THSD7A: variants seen among roughly 807,000 people sequenced by gnomAD.
The protein encoded by THSD7A is thrombospondin type-1 domain-containing protein 7A.
Under a neutral mutation model 231.3 loss-of-function variants are expected in THSD7A, and 96 were observed. The ratio of observed to expected loss-of-function variants is 0.41; its 90% confidence interval spans 0.35 to 0.49. The LOEUF (loss-of-function observed/expected upper bound fraction) is 0.49, where lower values mean the gene tolerates loss of function less well. Ranked by LOEUF, THSD7A falls within the 20% of genes least tolerant of loss-of-function variation. The probability of loss-of-function intolerance (pLI) is 0.05; values close to 1 mark genes in which losing one functional copy is unlikely to be tolerated. For missense variants in THSD7A, 2,290 were observed against 2,070.2 expected (o/e 1.11, Z -2.06); for synonymous variants, 940 against 743.3 (o/e 1.26, Z -4.30).
chr7:11,381,889 T>C (rs890810058), intron 24 of THSD7A, among the ~76,000 whole-genome samples: 1 of 151,854 alleles, frequency 6.6e-6, no homozygotes, highest in African/African-American at 2.4e-5. Context: ...CACACTAGAG[T>C]AGTTCTTTGG....
intron 1 of THSD7A, among the ~76,000 whole-genome samples, chr7:11,681,943 G>A (rs559496468): frequency 8.6e-5 from 13 of 151,996 alleles, no homozygotes; most frequent in Non-Finnish European, 1.5e-4. Context: ...GAAGCAACTA[G>A]GGCCTATTTT....
In THSD7A at chr7:11,779,689, A is replaced by C. The variant is rs559116370; in HGVS notation, c.190+52068T>G. Among the ~76,000 whole-genome samples the C allele has an allele frequency of 2.6e-5, 4 of 152,310 alleles. No individual in the cohort carries two copies. The East Asian group carries it at 7.7e-4, about 29-fold the overall frequency. On this transcript the variant is annotated intron_variant, in intron 1 of 27. Transcript: ENST00000423059. ...TTTTGTTTTCATAGGCCTAGTCCTC[A>C]TCCTCCTCTGAATGCATCATTGTAT...
At chr7:11,552,114 AACATGAACACAAAGTAGGGAAAAACAG>A in intron 4 of THSD7A, among the ~76,000 whole-genome samples, 1 of 152,246 alleles carries the variant, frequency 6.6e-6, no homozygotes, top group Admixed American at 6.5e-5. Flanking sequence ...GAAGCTGATA[AACATGAACACAAAGTAGGGAAAAACAG>A]ACATCAGGGC....
At chr7:11,595,511 C>A (rs1446313439) in intron 2 of THSD7A, among the ~76,000 whole-genome samples, 1 of 152,004 alleles carries the variant, frequency 6.6e-6, no homozygotes, top group African/African-American at 2.4e-5. Flanking sequence ...TAAAAGATGG[C>A]CCATTGTGAG....
intron 18 of THSD7A, 103 bp downstream of exon 18, chr7:11,412,552 CA>C: frequency 1.5e-6 from 2 of 1,349,850 alleles, no homozygotes; most frequent in Non-Finnish European, 2.0e-6. Flanking sequence ...GCAGCATATC[CA>C]AAAGGCACAC....
At chr7:11,418,039 G>C (rs1784019517) in intron 16 of THSD7A, among the ~76,000 whole-genome samples, 3 of 152,306 alleles carry the variant, frequency 2.0e-5, no homozygotes, top group Admixed American at 1.3e-4. Context: ...GGATTTCATA[G>C]AGAAGGTAGA....
chr7:11,804,474 G>A (rs887131704), intron 1 of THSD7A, among the ~76,000 whole-genome samples: 21 of 152,046 alleles, frequency 1.4e-4, no homozygotes, highest in African/African-American at 4.1e-4. Context: ...ACAAATAGAC[G>A]TTAAAAAATA....
At position 11,636,409 on chromosome 7, in the gene THSD7A, G is replaced by A. The variant is rs368719742; in HGVS notation, c.743C>T (p.Ala248Val). 15 of 1,613,532 alleles carry A rather than the reference G, an allele frequency of 9.3e-6. No individual in the cohort carries two copies. In the African/African-American group the frequency reaches 1.9e-4, roughly 20 times the overall value. ...FQVCQSSPCE[A>V]EELRYSLHVG... is the part of the protein sequence containing the mutation. ...ATGCAGGCTGTACCTGAGCTCCTCGGCCTCGCATGGACTGGATTGGCACAC... is the reference window on the plus strand; with the variant it reads ...ATGCAGGCTGTACCTGAGCTCCTCGACCTCGCATGGACTGGATTGGCACAC... The change falls in exon 2 of 28, where the codon GCC (alanine) becomes GTC (valine). Residue 248 changes from alanine (A) to valine (V), a missense_variant. Transcript: ENST00000423059. This position sits in a 1 kb window ranked among gnomAD's most constrained non-coding sequence, Gnocchi z 10.0.
At chr7:11,391,646 G>T (rs761557926) in intron 23 of THSD7A, among the ~76,000 whole-genome samples, 6 of 152,118 alleles carry the variant, frequency 3.9e-5, no homozygotes, top group African/African-American at 9.7e-5. Context: ...TGGCATTCCA[G>T]GTGCCATTGG....
chr7:11,630,412 A>T (rs1562782519), intron 2 of THSD7A, among the ~76,000 whole-genome samples: 1 of 152,200 alleles, frequency 6.6e-6, no homozygotes, highest in Non-Finnish European at 1.5e-5. Flanking sequence ...TGAAAAATGA[A>T]TTTGGTAACA....
chr7:11,448,212 TATG>T (rs147619003), intron 11 of THSD7A, among the ~76,000 whole-genome samples: 1,798 of 152,250 alleles, frequency 0.012, 11 homozygotes, highest in Non-Finnish European at 0.019. Context: ...TTATTTCGCC[TATG>T]ATATTGTTCT....
chr7:11,476,029 C>T (rs960308923), intron 7 of THSD7A, among the ~76,000 whole-genome samples: 3 of 141,606 alleles, frequency 2.1e-5, no homozygotes, highest in East Asian at 4.2e-4. Context: ...TAAAAAATAA[C>T]CTTTTCCTTT....
chr7:11,567,621 A>T (rs1022269954), intron 4 of THSD7A, among the ~76,000 whole-genome samples: 7 of 152,094 alleles, frequency 4.6e-5, no homozygotes, highest in African/African-American at 7.2e-5. Flanking sequence ...CGATAGCTGG[A>T]TTTCTCACCC....
rs374188461 is a variant in THSD7A, at chr7:11,636,848, C to A, written c.304G>T (p.Ala102Ser). 2 of 1,613,798 alleles carry A rather than the reference C, an allele frequency of 1.2e-6. No individual in the cohort carries two copies. Among genetic ancestry groups the A allele is most frequent in the South Asian group, 2.2e-5 (2 of 91,082 alleles). The change falls in exon 2 of 28, where the codon GCC (alanine) becomes TCC (serine). Residue 102 changes from alanine (A) to serine (S), a missense_variant. Ala to Ser is a moderately conservative substitution (Grantham distance 99, BLOSUM62 1). Coordinates refer to ENST00000423059, the MANE Select transcript of THSD7A (RefSeq NM_015204.3). This position sits in a 1 kb window ranked among gnomAD's most constrained non-coding sequence, Gnocchi z 10.0. ...WTTLHTNCKQ[A>S]ERPNNQQNCF... ...TTCTGCTGGTTATTGGGTCTCTCGG[C>A]CTGCTTACAGTTAGTATGCAGTGTA...
intron 4 of THSD7A, among the ~76,000 whole-genome samples, chr7:11,555,541 G>A (rs1038182055): frequency 6.6e-6 from 1 of 151,806 alleles, no homozygotes; most frequent in Admixed American, 6.6e-5. Context: ...TGCTGTTGTT[G>A]GATGGAGTAA....
intron 7 of THSD7A, among the ~76,000 whole-genome samples, chr7:11,477,121 C>G (rs1029540337): frequency 2.6e-5 from 4 of 152,174 alleles, no homozygotes; most frequent in African/African-American, 9.7e-5. Flanking sequence ...AGTTTGCCAA[C>G]TGTCCCAAAA....
intron 7 of THSD7A, among the ~76,000 whole-genome samples, chr7:11,477,828 T>C (rs1205151901): frequency 6.6e-6 from 1 of 152,204 alleles, no homozygotes; most frequent in Non-Finnish European, 1.5e-5. Flanking sequence ...CTTACTTCTG[T>C]TGAGGTCTTG....
At chr7:11,382,835 T>G (rs1205331885) in intron 23 of THSD7A, among the ~76,000 whole-genome samples, 2 of 151,848 alleles carry the variant, frequency 1.3e-5, no homozygotes, top group East Asian at 3.9e-4. Flanking sequence ...CACTACCTGG[T>G]GGGAACCTAG....
intron 2 of THSD7A, 72 bp from the exon 3 acceptor site, chr7:11,593,574 G>A: frequency 6.5e-7 from 1 of 1,535,842 alleles, no homozygotes; most frequent in African/African-American, 1.4e-5. Context: ...ACGCTCAAGA[G>A]TGAATCAGCT....
Sources: gnomAD v4.1 joint callset for allele counts (sites outside exome capture counted in the v4.1 genomes callset) on GRCh38, gnomAD v4.1.1 for gene constraint, Gnocchi (gnomAD v3.1) non-coding constraint, MANE v1.5 for transcripts, NCBI Gene and HGNC (gene_info 2026-07-23, HGNC 2026-07-21) for gene names.